ZNF618: variants seen among roughly 807,000 people sequenced by gnomAD.
The protein encoded by ZNF618 is neural precursor cell expressed, developmentally down-regulated 10.
Under a neutral mutation model 103.0 loss-of-function variants are expected in ZNF618, and 34 were observed. The ratio of observed to expected loss-of-function variants is 0.33; its 90% CI spans 0.25 to 0.44. The LOEUF (loss-of-function observed/expected upper bound fraction) is 0.44. ZNF618 is among the 20% of genes least tolerant of loss of function. ZNF618 has a pLI of 1.00. For missense variants in ZNF618, 1,059 were observed against 1,295.4 expected (o/e 0.82, Z 2.80); for synonymous variants, 551 against 542.2 (o/e 1.02, Z -0.23).
intron 2 of ZNF618, among the ~76,000 whole-genome samples, chr9:113,986,056 G>C (rs1435340064): frequency 6.6e-6 from 1 of 152,212 alleles, no homozygotes; most frequent in African/African-American, 2.4e-5. Context: ...GACACATGAG[G>C]AGGAGGCGCC....
intron 13 of ZNF618, among the ~76,000 whole-genome samples, chr9:114,039,776 A>G (rs904302871): frequency 6.6e-6 from 1 of 152,160 alleles, no homozygotes; most frequent in African/African-American, 2.4e-5. Context: ...TGACGGATGT[A>G]GAGTATCAAG....
chr9:113,941,784 C>G (rs1199931025), intron 1 of ZNF618, among the ~76,000 whole-genome samples: 1 of 151,938 alleles, frequency 6.6e-6, no homozygotes, highest in African/African-American at 2.4e-5. Context: ...TTGTTTTATT[C>G]TTCTTTAGTA....
intron 1 of ZNF618, among the ~76,000 whole-genome samples, chr9:113,926,981 C>T (rs1270513107): frequency 6.6e-6 from 1 of 152,140 alleles, no homozygotes; most frequent in Non-Finnish European, 1.5e-5. Context: ...CCCCTGCACT[C>T]CAGCCTGGGC....
chr9:113,946,178 G>A (rs1427380692), intron 1 of ZNF618, among the ~76,000 whole-genome samples: 1 of 152,228 alleles, frequency 6.6e-6, no homozygotes, highest in African/African-American at 2.4e-5. Context: ...GGCCAAAGCA[G>A]CCAGGAATAT....
chr9:113,878,929 A>T (rs976723071), intron 1 of ZNF618, among the ~76,000 whole-genome samples: 26 of 151,990 alleles, frequency 1.7e-4, no homozygotes, highest in Non-Finnish European at 3.4e-4. Flanking sequence ...TCGCCATTGC[A>T]TTTGGGAGAT....
In ZNF618 at chr9:114,050,434, GCA is replaced by G. The variant is rs200395252; in HGVS notation, c.*273_*274del. 0.017 allele frequency: 5,248 copies of G among 316,698 alleles called. 158 individuals carry two copies. Among genetic ancestry groups the G allele is most frequent in the African/African-American group, 0.11 (3,857 of 36,356 alleles). The allele number at this position is 316,698 out of a possible 1,614,324, so 19.6% of individuals were successfully genotyped here. On this transcript the variant is annotated 3_prime_UTR_variant, in exon 15 of 15. Coordinates refer to ENST00000374126, the MANE Select transcript of ZNF618 (RefSeq NM_001318042.2). ...TCATCTCCATGGCCAGAGAAACTTT[GCA>G]CACACGCACACACACACACACACAC...
At chr9:113,886,971 C>CTTTTTT (rs57000343) in intron 1 of ZNF618, among the ~76,000 whole-genome samples, 4 of 109,518 alleles carry the variant, frequency 3.7e-5, no homozygotes, top group Admixed American at 1.0e-4. Flanking sequence ...TTACTTTCTA[C>CTTTTTT]TTTTTTTTTT....
chr9:113,984,028 T>C (rs1839221092), intron 2 of ZNF618, among the ~76,000 whole-genome samples: 1 of 152,164 alleles, frequency 6.6e-6, no homozygotes, highest in Non-Finnish European at 1.5e-5. Context: ...TACTGGATGC[T>C]GGGTATAAGA....
At chr9:113,887,164 A>AGACTGTCATCAACACAGT (rs1829155449) in intron 1 of ZNF618, among the ~76,000 whole-genome samples, 1 of 152,024 alleles carries the variant, frequency 6.6e-6, no homozygotes, top group Non-Finnish European at 1.5e-5. Context: ...GTCATCAGAT[A>AGACTGTCATCAACACAGT]CCTAGACAGA....
chr9:113,987,698 T>G (rs1392571121), intron 2 of ZNF618, among the ~76,000 whole-genome samples: 1 of 152,140 alleles, frequency 6.6e-6, no homozygotes, highest in South Asian at 2.1e-4. Flanking sequence ...TTGTTAGAAA[T>G]GCAGAATCTC....
At chr9:114,039,335 T>C (rs1315629825) in intron 13 of ZNF618, among the ~76,000 whole-genome samples, 4 of 141,546 alleles carry the variant, frequency 2.8e-5, no homozygotes, top group Non-Finnish European at 6.1e-5. Flanking sequence ...CTTTCTTTCT[T>C]GTTTGTTTTT....
chr9:114,007,321 A>C, intron 6 of ZNF618, 29 bp from the exon 7 acceptor site: 1 of 1,605,796 alleles, frequency 6.2e-7, no homozygotes. Context: ...AAGCCCTGGT[A>C]ACCAGGTGTG....
chr9:113,898,365 C>T (rs1053038607), intron 1 of ZNF618, among the ~76,000 whole-genome samples: 7 of 151,212 alleles, frequency 4.6e-5, no homozygotes, highest in African/African-American at 7.3e-5. Context: ...AGGGAAGTCT[C>T]GTGTTTGGCA....
At chr9:113,883,947 C>T (rs985776569) in intron 1 of ZNF618, among the ~76,000 whole-genome samples, 10 of 134,970 alleles carry the variant, frequency 7.4e-5, no homozygotes, top group African/African-American at 2.7e-4. Context: ...TGTGGGGGCT[C>T]CATGCTCTGT....
chr9:114,007,948 A>C (rs1386975626), intron 7 of ZNF618, among the ~76,000 whole-genome samples: 1 of 152,164 alleles, frequency 6.6e-6, no homozygotes, highest in African/African-American at 2.4e-5. Flanking sequence ...TGTGACAACC[A>C]GGCCCACCAC....
chr9:113,925,102 G>C (rs1050567110), intron 1 of ZNF618, among the ~76,000 whole-genome samples: 1 of 151,982 alleles, frequency 6.6e-6, no homozygotes, highest in East Asian at 1.9e-4. Flanking sequence ...GGATCTGTCA[G>C]TTGTTGCTAG....
At chr9:113,987,585 A>T (rs1242244522) in intron 2 of ZNF618, among the ~76,000 whole-genome samples, 1 of 152,198 alleles carries the variant, frequency 6.6e-6, no homozygotes, top group Non-Finnish European at 1.5e-5. Context: ...CTTGCCTAGG[A>T]ACGAAGGGAA....
At chr9:113,924,574 C>A (rs1832916317) in intron 1 of ZNF618, among the ~76,000 whole-genome samples, 1 of 150,952 alleles carries the variant, frequency 6.6e-6, no homozygotes, top group African/African-American at 2.4e-5. Context: ...TTTATGATTT[C>A]TTCTGCTTGC....
chr9:113,911,485 T>A (rs1316720021), intron 1 of ZNF618, among the ~76,000 whole-genome samples: 11 of 151,920 alleles, frequency 7.2e-5, no homozygotes, highest in Non-Finnish European at 2.9e-5. Context: ...CCTGCCACGA[T>A]GCCCAGCTGA....
Sources: allele counts gnomAD v4.1 joint callset (sites outside exome capture counted in the v4.1 genomes callset), GRCh38; gene constraint gnomAD v4.1.1; transcripts MANE v1.5; gene names NCBI Gene and HGNC (gene_info 2026-07-23, HGNC 2026-07-21).